The following STK40 variants were observed in gnomAD, a reference collection of about 807,000 sequenced individuals.
STK40 encodes the protein serine/threonine kinase 40.
Under a neutral mutation model 47.9 loss-of-function variants are expected in STK40, and 13 were observed. The ratio of observed to expected loss-of-function variants is 0.27; its 90% confidence interval spans 0.18 to 0.43. The LOEUF (loss-of-function observed/expected upper bound fraction) is 0.43, where lower values mean the gene tolerates loss of function less well. STK40 is among the 20% of genes least tolerant of loss of function. The probability of loss-of-function intolerance (pLI) is 1.00; values close to 1 mark genes in which losing one functional copy is unlikely to be tolerated. For missense variants in STK40, 460 were observed against 595.1 expected, an observed-to-expected ratio of 0.77 and a Z score of 2.36; for synonymous variants, 225 against 243.2, an observed-to-expected ratio of 0.93 and a Z score of 0.69.
intron 2 of STK40, among the ~76,000 whole-genome samples, chr1:36,360,157 A>C (rs1350042009): frequency 1.3e-5 from 2 of 150,132 alleles, no homozygotes; most frequent in Non-Finnish European, 2.9e-5. Flanking sequence ...CCTGGCAAAC[A>C]GCACAGGCCT....
rs1329298762 is a variant in STK40, at chr1:36,385,730, G to C, written c.-16C>G. ...CTGGACCCCTGCCCTCACCTTCGCC[G>C]GGTGGTCAGAGCTATTCGCCCATAG... is the stretch of plus-strand genomic sequence containing the variant. On this transcript the variant is annotated 5_prime_UTR_variant, in exon 1 of 11. Coordinates refer to ENST00000373132, the MANE Select transcript of STK40 (RefSeq NM_001282547.2). 1 of 152,980 alleles carries C rather than the reference G, an allele frequency of 6.5e-6. No individual in the cohort carries two copies. The highest frequency in any genetic ancestry group is 2.4e-5 in the African/African-American group (1 of 41,336). 9.5% of individuals were successfully genotyped at this position (152,980 alleles called of 1,614,324 possible). A position where few individuals can be genotyped will look rare whatever the true frequency, so the allele number is the denominator to read the frequency against.
At chr1:36,383,222 G>T (rs997513656) in intron 1 of STK40, among the ~76,000 whole-genome samples, 60 of 152,218 alleles carry the variant, frequency 3.9e-4, no homozygotes, top group Non-Finnish European at 5.3e-4. Flanking sequence ...GGGATTACAG[G>T]CGTGAGCCAT....
Position 36,343,414 on chromosome 1 carries a change from C to G in STK40, c.1039G>C (p.Val347Leu), listed in dbSNP as rs1167750396. The part of the protein sequence containing the change: ...SLSSLSGPLQ[V>L]VPDIDDQMSN... ...ATTTGGTCATCAATGTCAGGAACCA[C>G]TTGCAAAGGCCCACTCAGAGATGAC... The change falls in exon 10 of 11, where the codon GTG (valine) becomes CTG (leucine). Residue 347 changes from valine to leucine, a missense_variant. Physicochemically the swap from Val to Leu is conservative, Grantham distance 32. Coordinates refer to ENST00000373132, the MANE Select transcript of STK40 (RefSeq NM_001282547.2). The G allele has an allele frequency of 1.9e-6, 3 of 1,613,758 alleles. No individual in the cohort carries two copies. The highest frequency in any genetic ancestry group is 2.5e-6 in the Non-Finnish European group (3 of 1,179,824).
At chr1:36,345,991 A>ATATTTTTTTTTTTTTTTTTTT in intron 7 of STK40, among the ~76,000 whole-genome samples, 2 of 26,466 alleles carry the variant, frequency 7.6e-5, no homozygotes, top group Non-Finnish European at 1.4e-4. Context: ...ATATATATAT[A>ATATTTTTTTTTTTTTTTTTTT]TTTTTTTTTT....
At position 36,367,619 on chromosome 1, in the gene STK40, C is replaced by A. The variant is rs115987410; in HGVS notation, c.-8-6279G>T. Among the ~76,000 whole-genome samples the A allele has an allele frequency of 7.4e-3, 1,124 of 152,272 alleles. 15 individuals carry two copies. The highest frequency in any genetic ancestry group is 0.026 in the African/African-American group (1,090 of 41,522). ...AGGAAAGCTGGCAGGGATAGCTCTA[C>A]CCCATGGTTCCACCTGGTAGACACA... On this transcript the variant is annotated intron_variant, in intron 1 of 10. Transcript: ENST00000373132.
intron 1 of STK40, among the ~76,000 whole-genome samples, chr1:36,367,128 A>G (rs1253692052): frequency 2.0e-5 from 3 of 151,730 alleles, no homozygotes; most frequent in Non-Finnish European, 4.4e-5. Context: ...GATTACAGAC[A>G]TGAGCCACCA....
intron 1 of STK40, among the ~76,000 whole-genome samples, chr1:36,364,104 TCGCACCA>T (rs542130938): frequency 5.5e-4 from 83 of 152,226 alleles, no homozygotes; most frequent in Middle Eastern, 6.8e-3. Flanking sequence ...TGAGCTGAGA[TCGCACCA>T]CTGTACTCCA....
At chr1:36,360,604 C>G (rs527429355) in intron 2 of STK40, among the ~76,000 whole-genome samples, 1 of 151,926 alleles carries the variant, frequency 6.6e-6, no homozygotes, top group Non-Finnish European at 1.5e-5. Flanking sequence ...GGCGTGATCA[C>G]GACTCACTGT....
intron 1 of STK40, chr1:36,367,752 G>T: frequency 1.1e-6 from 1 of 950,798 alleles, no homozygotes; most frequent in Non-Finnish European, 1.3e-6. Flanking sequence ...CTACAAAGGA[G>T]CTGAAGCCTG....
At position 36,341,828 on chromosome 1, in the gene STK40, C is replaced by T. The variant is rs575657248; in HGVS notation, c.1235G>A (p.Arg412Gln). Residue 412 changes from arginine to glutamine, a missense_variant, in exon 11 of 11, where the codon CGG becomes CAG. Arg to Gln is a conservative substitution (Grantham distance 43). Coordinates refer to ENST00000373132, the MANE Select transcript of STK40 (RefSeq NM_001282547.2). The stretch of plus-strand genomic sequence containing the variant: ...CATGGGCTGTGCGTCGTGGCCCAGC[C>T]GTCGCACCGGTGGTGCGCTGCCGAA... The part of the protein sequence containing the change: ...RQFGSAPPVR[R>Q]LGHDAQPMTS... 32 of 1,613,540 alleles carry T rather than the reference C, an allele frequency of 2.0e-5. No homozygotes were observed. The highest frequency in any genetic ancestry group is 1.8e-4 in the Middle Eastern group (1 of 5,698).
At chr1:36,380,815 G>A (rs1570470366) in intron 1 of STK40, among the ~76,000 whole-genome samples, 4 of 152,310 alleles carry the variant, frequency 2.6e-5, no homozygotes, top group South Asian at 2.1e-4. Flanking sequence ...TGATTCAGGC[G>A]AAAGCAAAGG....
chr1:36,360,791 C>G (rs893506770), intron 2 of STK40, among the ~76,000 whole-genome samples: 1 of 152,178 alleles, frequency 6.6e-6, no homozygotes, highest in Non-Finnish European at 1.5e-5. Context: ...GATCCTCTCA[C>G]CTCAGCCTCG....
intron 10 of STK40, chr1:36,343,110 T>C (rs1646669473): frequency 1.6e-6 from 1 of 639,306 alleles, no homozygotes; most frequent in Non-Finnish European, 2.9e-6. Context: ...CCTGGGCCAC[T>C]TGGGCACTGG....
intron 7 of STK40, among the ~76,000 whole-genome samples, chr1:36,345,987 A>ATT (rs1397972473): frequency 1.2e-4 from 2 of 17,266 alleles, no homozygotes; most frequent in Non-Finnish European, 2.3e-4. Flanking sequence ...ATATATATAT[A>ATT]TATATTTTTT....
At chr1:36,360,886 C>G (rs1441432903) in intron 2 of STK40, among the ~76,000 whole-genome samples, 10 of 152,088 alleles carry the variant, frequency 6.6e-5, no homozygotes, top group Admixed American at 6.6e-4. Flanking sequence ...AATGGGTGTG[C>G]TTCCTGTGAG....
At position 36,351,662 on chromosome 1, in the gene STK40, G is replaced by A. The variant is rs544020940; in HGVS notation, c.623+2702C>T. 4.7e-3 allele frequency among the ~76,000 whole-genome samples: 710 copies of A among 152,274 alleles called. 2 individuals are homozygous for A. Among genetic ancestry groups the A allele is most frequent in the Non-Finnish European group, 6.9e-3 (470 of 68,022 alleles). On this transcript the variant is annotated intron_variant, in intron 6 of 10. Coordinates refer to ENST00000373132, the MANE Select transcript of STK40 (RefSeq NM_001282547.2). ...TGGCATTCTGCACCCTGAGGAGCAC[G>A]CACTCACACTCACAGCAGAGCTGCT... is the stretch of plus-strand genomic sequence containing the variant.
intron 1 of STK40, among the ~76,000 whole-genome samples, chr1:36,377,941 T>C (rs1462685731): frequency 6.6e-6 from 1 of 152,224 alleles, no homozygotes; most frequent in Admixed American, 6.5e-5. Context: ...CTGTGTCTCA[T>C]GACTACCTTA....
At position 36,341,817 on chromosome 1, in the gene STK40, C is replaced by T. The variant is rs754087375; in HGVS notation, c.1246G>A (p.Asp416Asn). The change falls in exon 11 of 11, where the codon GAC becomes AAC. Residue 416 changes from aspartate to asparagine, a missense_variant. Asp to Asn is a conservative substitution (Grantham distance 23). Coordinates refer to ENST00000373132, the MANE Select transcript of STK40 (RefSeq NM_001282547.2). ...TCCAAGGAGGTCATGGGCTGTGCGT[C>T]GTGGCCCAGCCGTCGCACCGGTGGT... is the stretch of plus-strand genomic sequence containing the variant. Reference protein sequence around the residue: ...SAPPVRRLGHDAQPMTSLDTA... With the variant: ...SAPPVRRLGHNAQPMTSLDTA... The T allele has an allele frequency of 1.8e-5, 29 of 1,613,242 alleles. No homozygotes were observed. Among genetic ancestry groups the T allele is most frequent in the Admixed American group, 1.5e-4 (9 of 59,996 alleles).
chr1:36,360,604 C>T (rs527429355), intron 2 of STK40, among the ~76,000 whole-genome samples: 1 of 151,926 alleles, frequency 6.6e-6, no homozygotes, highest in African/African-American at 2.4e-5. Context: ...GGCGTGATCA[C>T]GACTCACTGT....
Sources: allele counts gnomAD v4.1 joint callset (sites outside exome capture counted in the v4.1 genomes callset), GRCh38; gene constraint gnomAD v4.1.1; transcripts MANE v1.5; gene names NCBI Gene and HGNC (gene_info 2026-07-23, HGNC 2026-07-21).